The following NFAT5 variants were observed in gnomAD, a reference collection of about 807,000 sequenced individuals.
NFAT5 encodes nuclear factor of activated T cells 5.
A neutral mutation model predicts 166.5 loss-of-function variants in NFAT5; 31 were observed. That is an observed-to-expected ratio of 0.19 (90% confidence interval 0.14 to 0.25). The LOEUF (loss-of-function observed/expected upper bound fraction) is 0.25, where lower values mean the gene tolerates loss of function less well. Ranked by LOEUF, NFAT5 falls within the 10% of genes least tolerant of loss-of-function variation. The pLI, the probability that NFAT5 is intolerant of heterozygous loss-of-function variation, is 1.00. For missense variants in NFAT5, 1,449 were observed against 1,821.8 expected (o/e 0.80, Z 3.72); for synonymous variants, 612 against 639.7 (o/e 0.96, Z 0.65).
At chr16:69,624,299 A>G (rs1340618049) in intron 2 of NFAT5, among the ~76,000 whole-genome samples, 3 of 151,646 alleles carry the variant, frequency 2.0e-5, no homozygotes, top group South Asian at 4.2e-4. Flanking sequence ...TCCGCCTCCT[A>G]GGCTGAAGTG....
intron 2 of NFAT5, among the ~76,000 whole-genome samples, chr16:69,592,395 G>T (rs1334374766): frequency 6.6e-6 from 1 of 151,986 alleles, no homozygotes; most frequent in Non-Finnish European, 1.5e-5. Context: ...ACTTTTTAGG[G>T]ATGATACATG....
chr16:69,604,847 T>C (rs894012747), intron 2 of NFAT5, among the ~76,000 whole-genome samples: 12 of 152,212 alleles, frequency 7.9e-5, no homozygotes, highest in African/African-American at 2.2e-4. Context: ...CTCAGTATAA[T>C]ATTTTTGAGG....
rs1335032677 is a variant in NFAT5, at chr16:69,697,911, G to A, written c.*1560G>A. The A allele has an allele frequency of 7.0e-6, 1 of 143,404 alleles. No homozygotes were observed. The highest frequency in any genetic ancestry group is 2.6e-5 in the African/African-American group (1 of 38,846). The allele number at this position is 143,404 out of a possible 1,614,324, so 8.9% of individuals were successfully genotyped here. On this transcript the variant is annotated 3_prime_UTR_variant, in exon 15 of 15. Coordinates refer to ENST00000349945, the MANE Select transcript of NFAT5 (RefSeq NM_138713.4). ...TTTTTAAGTGTACAAAAAATAACCT[G>A]TTAATTGTTGAAGGCTACTTTTCTG...
Position 69,647,799 on chromosome 16 carries a change from T to C in NFAT5, c.812+213T>C, listed in dbSNP as rs912917416. ...TCATAGATTCTAGCAATAGATATCTTATTATCAGTATAGTTAGGTAGTAGA... is the reference window on the plus strand; with the variant it reads ...TCATAGATTCTAGCAATAGATATCTCATTATCAGTATAGTTAGGTAGTAGA... On this transcript the variant is annotated intron_variant, in intron 4 of 14. Transcript: ENST00000349945. The surrounding 1 kb of genome is among the most constrained non-coding windows in gnomAD (Gnocchi z 4.8). 5.3e-5 allele frequency among the ~76,000 whole-genome samples: 8 copies of C among 152,132 alleles called. No homozygotes were observed. Among genetic ancestry groups the C allele is most frequent in the Non-Finnish European group, 1.0e-4 (7 of 68,010 alleles).
intron 3 of NFAT5, among the ~76,000 whole-genome samples, chr16:69,639,369 T>C (rs2035106672): frequency 6.6e-6 from 1 of 152,160 alleles, no homozygotes; most frequent in Admixed American, 6.6e-5. Context: ...CTTTAGTAAA[T>C]ATTATATGAG....
Position 69,692,610 on chromosome 16 carries a change from A to C in NFAT5, c.2785A>C (p.Ile929Leu). 6.2e-7 allele frequency: 1 copy of C among 1,614,230 alleles called. No individual in the cohort carries two copies. ...GAGTATCTGCCAGGCAGCTGCCCAG[A>C]TTCAGTCAGAGTTATTCCCTTCAAC... Reference protein sequence around the residue: ...QQSICQAAAQIQSELFPSTAS... With the variant: ...QQSICQAAAQLQSELFPSTAS... The change falls in exon 13 of 15, where the codon ATT becomes CTT. Residue 929 changes from isoleucine to leucine, a missense_variant. Ile to Leu is a conservative substitution (Grantham distance 5). This residue lies in a region of NFAT5 where 891 missense variants were observed against 993.0 expected (regional missense o/e 0.90). Transcript: ENST00000349945.
chr16:69,631,200 A>C (rs1343074465), intron 3 of NFAT5, among the ~76,000 whole-genome samples: 1 of 152,184 alleles, frequency 6.6e-6, no homozygotes, highest in East Asian at 1.9e-4. Flanking sequence ...TGGGAGGCCG[A>C]GGTGGGTGGA....
intron 2 of NFAT5, among the ~76,000 whole-genome samples, chr16:69,583,379 TAA>T (rs199954217): frequency 5.0e-5 from 7 of 141,304 alleles, no homozygotes; most frequent in East Asian, 2.0e-4. Context: ...CCCAGCTAAT[TAA>T]AAAAAAAAAA....
At chr16:69,581,064 C>T (rs1422904291) in intron 2 of NFAT5, among the ~76,000 whole-genome samples, 1 of 152,100 alleles carries the variant, frequency 6.6e-6, no homozygotes, top group Non-Finnish European at 1.5e-5. Context: ...GTTTTTGAGA[C>T]AGGGTCTCAC....
At chr16:69,610,262 TAGAA>T (rs1233163434) in intron 2 of NFAT5, among the ~76,000 whole-genome samples, 2 of 152,106 alleles carry the variant, frequency 1.3e-5, no homozygotes, top group African/African-American at 2.4e-5. Context: ...AAATATAACA[TAGAA>T]AGATAACATT....
chr16:69,598,752 C>T (rs1481225863), intron 2 of NFAT5, among the ~76,000 whole-genome samples: 3 of 152,064 alleles, frequency 2.0e-5, no homozygotes, highest in South Asian at 4.1e-4. Context: ...AGGCCGGGCA[C>T]GATGGCTCAC....
intron 3 of NFAT5, among the ~76,000 whole-genome samples, chr16:69,639,048 A>G (rs2035093275): frequency 6.6e-6 from 1 of 152,196 alleles, no homozygotes; most frequent in South Asian, 2.1e-4. Context: ...TGTTTAAATT[A>G]TTGGAGATAG....
chr16:69,582,704 C>T (rs2031778143), intron 2 of NFAT5, among the ~76,000 whole-genome samples: 2 of 149,522 alleles, frequency 1.3e-5, no homozygotes, highest in African/African-American at 4.9e-5. Flanking sequence ...TCTGGACTCT[C>T]AGTTCTATTC....
Position 69,693,241 on chromosome 16 carries a change from G to A in NFAT5, c.3416G>A (p.Ser1139Asn), listed in dbSNP as rs752361142. The A allele has an allele frequency of 6.2e-7, 1 of 1,614,146 alleles. No individual in the cohort carries two copies. The highest frequency in any genetic ancestry group is 8.5e-7 in the Non-Finnish European group (1 of 1,180,040). The change falls in exon 13 of 15, where the codon AGT (serine) becomes AAT (asparagine). Residue 1139 changes from serine to asparagine, a missense_variant. By Grantham distance (46) the Ser-to-Asn change is conservative (BLOSUM62 1). Coordinates refer to ENST00000349945, the MANE Select transcript of NFAT5 (RefSeq NM_138713.4). ...QMQPPMFHSQ[S>N]TIAVLQGSSV... ...CAGCCTCCAATGTTTCACTCTCAAA[G>A]TACCATTGCTGTGTTACAGGGCTCT...
intron 9 of NFAT5, among the ~76,000 whole-genome samples, chr16:69,674,474 G>T (rs1030113584): frequency 2.6e-5 from 4 of 151,766 alleles, no homozygotes; most frequent in African/African-American, 9.7e-5. Context: ...TATATAAAGG[G>T]ATATTCAATC....
At chr16:69,667,547 C>A (rs900123838) in intron 7 of NFAT5, among the ~76,000 whole-genome samples, 1 of 148,068 alleles carries the variant, frequency 6.8e-6, no homozygotes. Context: ...AATGTAAATA[C>A]GAATATGTAG....
In NFAT5 at chr16:69,702,909, A is replaced by G. The variant is rs1439606010; in HGVS notation, c.*6558A>G. The G allele has an allele frequency of 6.6e-6, 1 of 152,658 alleles. No homozygotes were observed. Among genetic ancestry groups the G allele is most frequent in the Non-Finnish European group, 1.5e-5 (1 of 68,042 alleles). 9.5% of individuals were successfully genotyped at this position (152,658 alleles called of 1,614,324 possible). On this transcript the variant is annotated 3_prime_UTR_variant, in exon 15 of 15. Transcript: ENST00000349945. ...CAATTAGTCTAATTCTTGATAATTC[A>G]GTTAATTTAGTTTGGCATTTTCCTA... is the stretch of plus-strand genomic sequence containing the variant.
At chr16:69,649,827 G>T (rs1255094924) in intron 4 of NFAT5, among the ~76,000 whole-genome samples, 1 of 151,784 alleles carries the variant, frequency 6.6e-6, no homozygotes, top group African/African-American at 2.4e-5. Flanking sequence ...ATCATACTAA[G>T]TATTTAGAAA....
At chr16:69,626,236 G>A (rs1463896903) in intron 2 of NFAT5, among the ~76,000 whole-genome samples, 167 bp from the exon 3 acceptor site, 1 of 152,106 alleles carries the variant, frequency 6.6e-6, no homozygotes, top group African/African-American at 2.4e-5. Flanking sequence ...ACAGGTGTGA[G>A]CCACTGTGCT....
Sources: allele counts gnomAD v4.1 joint callset (sites outside exome capture counted in the v4.1 genomes callset), GRCh38; gene constraint gnomAD v4.1.1; regional missense constraint gnomAD v4.1.1; non-coding constraint Gnocchi (gnomAD v3.1); transcripts MANE v1.5; gene names NCBI Gene and HGNC (gene_info 2026-07-23, HGNC 2026-07-21).